ADK: variants seen among roughly 807,000 people sequenced by gnomAD.
The protein encoded by ADK is N6,N6-dimethyladenosine kinase.
In ADK, 24 loss-of-function variants were observed where a neutral mutation model predicts 44.7. The observed-to-expected ratio is 0.54, with a 90% confidence interval of 0.39 to 0.76. The LOEUF is 0.76. Ranked by LOEUF, ADK falls within the 30% of genes least tolerant of loss-of-function variation. ADK has a pLI of 0.00. For synonymous variants in ADK, 128 were observed against 142.6 expected (o/e 0.90, Z 0.73); for missense variants, 321 against 425.1 (o/e 0.76, Z 2.15).
chr10:74,628,843 G>A lies in ADK; in HGVS notation c.877+28350G>A, dbSNP rs149750383. On this transcript the variant is annotated intron_variant, in intron 9 of 10. Transcript: ENST00000539909. ...ATGCCTAACCAACACCTTGGAGTTA[G>A]AGCAGTCTAGTTTTAGAAGGCAGAG... is the stretch of plus-strand genomic sequence containing the variant. Among the ~76,000 whole-genome samples the A allele has an allele frequency of 3.7e-3, 563 of 152,264 alleles. 6 individuals are homozygous for A. The highest frequency in any genetic ancestry group is 0.013 in the African/African-American group (533 of 41,564).
At chr10:74,600,302 C>A in intron 8 of ADK, 77 bp from the exon 9 acceptor site, 2 of 897,444 alleles carry the variant, frequency 2.2e-6, no homozygotes, top group South Asian at 1.4e-5. Flanking sequence ...TCAATAGAAG[C>A]TAAATTGTTA....
chr10:74,469,349 T>C (rs902927849), intron 6 of ADK, among the ~76,000 whole-genome samples: 26 of 152,060 alleles, frequency 1.7e-4, no homozygotes, highest in African/African-American at 6.3e-4. Flanking sequence ...AAAAGAAAAA[T>C]ATTTTTTAAC....
chr10:74,335,217 T>A (rs76247414), intron 4 of ADK, among the ~76,000 whole-genome samples: 2,721 of 152,292 alleles, frequency 0.018, 67 homozygotes, highest in African/African-American at 0.052. Flanking sequence ...TCTTATACTG[T>A]CACAGTGATT....
At chr10:74,701,135 A>C (rs1856404216) in intron 10 of ADK, among the ~76,000 whole-genome samples, 1 of 152,216 alleles carries the variant, frequency 6.6e-6, no homozygotes, top group Non-Finnish European at 1.5e-5. Context: ...AAACAAATAA[A>C]TTTGTTGATA....
At chr10:74,317,457 G>C (rs1167758924) in intron 4 of ADK, among the ~76,000 whole-genome samples, 4 of 151,848 alleles carry the variant, frequency 2.6e-5, no homozygotes, top group African/African-American at 4.8e-5. Context: ...TTGGCATTGT[G>C]ACTCATGCCT....
In ADK at chr10:74,524,732, C is replaced by T. The variant is rs558139228; in HGVS notation, c.556-524C>T. On this transcript the variant is annotated intron_variant, in intron 6 of 10. Transcript: ENST00000539909. ...TAATTAACAGATTATTTTAAAGTCACTTATAAGAATACAAACTCAGCCAGG... is the reference window on the plus strand; with the variant it reads ...TAATTAACAGATTATTTTAAAGTCATTTATAAGAATACAAACTCAGCCAGG... 3.3e-4 allele frequency among the ~76,000 whole-genome samples: 50 copies of T among 152,212 alleles called. 1 individual carries two copies. Among genetic ancestry groups the T allele is most frequent in the East Asian group, 9.6e-4 (5 of 5,194 alleles).
intron 9 of ADK, among the ~76,000 whole-genome samples, chr10:74,605,513 T>C (rs1852290151): frequency 6.6e-6 from 1 of 152,224 alleles, no homozygotes; most frequent in Admixed American, 6.5e-5. Flanking sequence ...ATGTGGCTTT[T>C]GTTATTGGTT....
At chr10:74,504,134 A>C (rs1266150752) in intron 6 of ADK, among the ~76,000 whole-genome samples, 3 of 152,206 alleles carry the variant, frequency 2.0e-5, no homozygotes, top group African/African-American at 7.2e-5. Flanking sequence ...CAGCAGACTC[A>C]CAAGAGTGCT....
At chr10:74,317,925 G>C (rs1840680966) in intron 4 of ADK, among the ~76,000 whole-genome samples, 5 of 152,070 alleles carry the variant, frequency 3.3e-5, no homozygotes, top group Admixed American at 3.3e-4. Flanking sequence ...GGGACTATAG[G>C]TGTATGCCAC....
intron 4 of ADK, among the ~76,000 whole-genome samples, chr10:74,383,598 C>A (rs1263058216): frequency 6.6e-6 from 1 of 152,046 alleles, no homozygotes; most frequent in African/African-American, 2.4e-5. Flanking sequence ...GTTAAGTACA[C>A]TAATTTATAT....
intron 1 of ADK, among the ~76,000 whole-genome samples, chr10:74,185,707 G>A (rs1361329075): frequency 6.6e-6 from 1 of 151,056 alleles, no homozygotes; most frequent in Admixed American, 6.6e-5. Context: ...GTGGTAGCGG[G>A]CGCCTGTAGT....
chr10:74,415,640 T>C (rs1239196653), intron 6 of ADK, among the ~76,000 whole-genome samples: 1 of 152,192 alleles, frequency 6.6e-6, no homozygotes, highest in East Asian at 1.9e-4. Context: ...ACTTAAAAAA[T>C]ATCATTCAGT....
chr10:74,391,652 T>TACACACACAC (rs71475280), intron 4 of ADK, among the ~76,000 whole-genome samples: 1,543 of 74,208 alleles, frequency 0.021, 22 homozygotes, highest in African/African-American at 0.04. Flanking sequence ...GGCAAGAATA[T>TACACACACAC]ACACACACAC....
chr10:74,563,939 A>G (rs1270473267), intron 7 of ADK, among the ~76,000 whole-genome samples: 1 of 151,990 alleles, frequency 6.6e-6, no homozygotes, highest in Non-Finnish European at 1.5e-5. Flanking sequence ...CATGTGCACA[A>G]TGTGCAGGTT....
chr10:74,349,431 G>GA (rs1841883466), intron 4 of ADK, among the ~76,000 whole-genome samples: 1 of 152,098 alleles, frequency 6.6e-6, no homozygotes, highest in Non-Finnish European at 1.5e-5. Flanking sequence ...ATGTGGAAAG[G>GA]AAAAAGTGGT....
At chr10:74,398,961 T>A (rs1458437826) in intron 6 of ADK, among the ~76,000 whole-genome samples, 2 of 152,044 alleles carry the variant, frequency 1.3e-5, no homozygotes, top group African/African-American at 2.4e-5. Context: ...TCACTGCAAA[T>A]AGTTTGAGCT....
At chr10:74,474,161 G>T (rs1846720461) in intron 6 of ADK, among the ~76,000 whole-genome samples, 1 of 151,844 alleles carries the variant, frequency 6.6e-6, no homozygotes, top group African/African-American at 2.4e-5. Flanking sequence ...CTATATCTCA[G>T]GTTGGAGTGC....
intron 9 of ADK, among the ~76,000 whole-genome samples, chr10:74,636,337 G>A (rs1853622088): frequency 6.6e-6 from 1 of 152,184 alleles, no homozygotes; most frequent in Admixed American, 6.5e-5. Flanking sequence ...TATTTGAAGG[G>A]AAGTGGGAAA....
At chr10:74,692,603 C>T (rs973543073) in intron 10 of ADK, among the ~76,000 whole-genome samples, 1 of 152,222 alleles carries the variant, frequency 6.6e-6, no homozygotes, top group African/African-American at 2.4e-5. Context: ...CTGTGTGATT[C>T]TAACTACAGT....
Sources: gnomAD v4.1 joint callset for allele counts (sites outside exome capture counted in the v4.1 genomes callset) on GRCh38, gnomAD v4.1.1 for gene constraint, MANE v1.5 for transcripts, NCBI Gene and HGNC (gene_info 2026-07-23, HGNC 2026-07-21) for gene names.